Variants in INSL6 observed in about 807,000 individuals in gnomAD.
INSL6 encodes the protein insulin like 6, also known as insulin-like peptide INSL6.
In INSL6, 16 loss-of-function variants were observed where a neutral mutation model predicts 9.4. That is an observed-to-expected ratio of 1.70 (90% CI 1.15 to 2.59). The LOEUF is 2.59. Among genes scored for constraint, INSL6 ranks in the 30% most tolerant of loss-of-function variants. The probability of loss-of-function intolerance (pLI) is 0.00; values close to 1 mark genes in which losing one functional copy is unlikely to be tolerated. For missense variants in INSL6, 391 were observed against 257.3 expected (o/e 1.52, Z -3.56); for synonymous variants, 154 against 96.9 (o/e 1.59, Z -3.46).
chr9:5,112,725 C>T, the INSL6 span: 1 of 761,862 alleles, frequency 1.3e-6, no homozygotes, highest in Non-Finnish European at 2.0e-6. Flanking sequence ...AACCTGAATC[C>T]CAAAACAGCC....
At chr9:5,028,621 C>G in the INSL6 span, among the ~76,000 whole-genome samples, 1 of 152,234 alleles carries the variant, frequency 6.6e-6, no homozygotes, top group Non-Finnish European at 1.5e-5. Flanking sequence ...TTTGTCTACA[C>G]TGAAAATCTA....
the INSL6 span, chr9:5,041,226 C>G: frequency 4.1e-6 from 6 of 1,468,584 alleles, no homozygotes; most frequent in Admixed American, 1.7e-5. Flanking sequence ...GTGGGGCGCC[C>G]GGGGACCAAG....
At chr9:5,078,282 T>C in the INSL6 span, 1 of 1,600,996 alleles carries the variant, frequency 6.2e-7, no homozygotes, top group Non-Finnish European at 8.5e-7. Flanking sequence ...GATATTTGAA[T>C]ATATGTGCGT....
chr9:5,074,915 A>C, the INSL6 span, among the ~76,000 whole-genome samples: 13,105 of 152,262 alleles, frequency 0.086, 1,739 homozygotes, highest in African/African-American at 0.29. Context: ...TTATGAATCC[A>C]AAGGAAAAGT....
the INSL6 span, among the ~76,000 whole-genome samples, chr9:5,057,562 C>T: frequency 6.7e-6 from 1 of 148,790 alleles, no homozygotes; most frequent in South Asian, 2.1e-4. Flanking sequence ...CCAATCCTTG[C>T]AACCAGCATT....
At chr9:5,155,052 A>G (rs1165329622) in intron 2 of INSL6, among the ~76,000 whole-genome samples, 1 of 151,804 alleles carries the variant, frequency 6.6e-6, no homozygotes, top group Non-Finnish European at 1.5e-5. Flanking sequence ...ACTATTCACA[A>G]TAGCAAAGAC....
At chr9:5,002,951 T>C in the INSL6 span, among the ~76,000 whole-genome samples, 1 of 152,008 alleles carries the variant, frequency 6.6e-6, no homozygotes, top group Non-Finnish European at 1.5e-5. Flanking sequence ...TTTTGCCCCA[T>C]ATGAATAACC....
At chr9:5,011,094 T>C in the INSL6 span, among the ~76,000 whole-genome samples, 11 of 152,250 alleles carry the variant, frequency 7.2e-5, no homozygotes, top group Non-Finnish European at 1.0e-4. Flanking sequence ...GACTTAAGTA[T>C]GGATTTGTAT....
intron 2 of INSL6, among the ~76,000 whole-genome samples, chr9:5,151,300 A>G (rs1466344975): frequency 2.0e-5 from 3 of 152,214 alleles, no homozygotes; most frequent in African/African-American, 7.2e-5. Context: ...TGAAAAAGAC[A>G]CTGCAGGAAA....
chr9:5,044,272 T>C, the INSL6 span: 6 of 634,090 alleles, frequency 9.5e-6, no homozygotes, highest in Non-Finnish European at 1.7e-5. Flanking sequence ...CACATTTATA[T>C]TTAATACTGT....
At chr9:5,039,645 G>T in the INSL6 span, among the ~76,000 whole-genome samples, 1 of 151,900 alleles carries the variant, frequency 6.6e-6, no homozygotes, top group Non-Finnish European at 1.5e-5. Context: ...GTCAGTTGCA[G>T]AATAGAAGAT....
At chr9:5,050,864 T>C in the INSL6 span, 1,264 of 1,553,032 alleles carry the variant, frequency 8.1e-4, 11 homozygotes, top group African/African-American at 0.015. Context: ...TACACATAAG[T>C]GTGAGTAGAG....
At chr9:5,018,627 CTG>C in the INSL6 span, among the ~76,000 whole-genome samples, 1 of 152,238 alleles carries the variant, frequency 6.6e-6, no homozygotes. Context: ...GCTTGAGCCA[CTG>C]TGCCTGGCCT....
At chr9:5,011,687 A>G in the INSL6 span, among the ~76,000 whole-genome samples, 34 of 152,238 alleles carry the variant, frequency 2.2e-4, no homozygotes, top group Admixed American at 2.0e-3. Flanking sequence ...TCAGCTGACT[A>G]TTGTACATTG....
At position 5,136,269 on chromosome 9, in the gene INSL6, A is replaced by T. The variant is rs985168663; in HGVS notation, c.377-2677T>A. On this transcript the variant is annotated intron_variant, in intron 2 of 3. Coordinates refer to the INSL6 transcript ENST00000649639. ...GAGGGAATCCTCCCTAACTCATTTT[A>T]TGAGGCCAGCATCATCCTGATACCA... Among the ~76,000 whole-genome samples the T allele has an allele frequency of 3.3e-5, 5 of 152,236 alleles. No homozygotes were observed. In the South Asian group the frequency reaches 1.0e-3, roughly 31 times the overall value.
the INSL6 span, chr9:5,080,324 T>C: frequency 6.2e-7 from 1 of 1,613,932 alleles, no homozygotes; most frequent in Non-Finnish European, 8.5e-7. Flanking sequence ...TGGTACCACT[T>C]TGTGGGAAAT....
chr9:5,001,843 A>G, the INSL6 span, among the ~76,000 whole-genome samples: 1 of 152,010 alleles, frequency 6.6e-6, no homozygotes, highest in African/African-American at 2.4e-5. Flanking sequence ...GAAGAATTCA[A>G]TTTATTGAAG....
the INSL6 span, among the ~76,000 whole-genome samples, chr9:5,048,220 C>T: frequency 2.6e-5 from 4 of 152,006 alleles, no homozygotes; most frequent in Non-Finnish European, 4.4e-5. Flanking sequence ...CGGCTCACTG[C>T]AACCTCTGCC....
chr9:5,032,693 T>G, the INSL6 span, among the ~76,000 whole-genome samples: 4 of 152,074 alleles, frequency 2.6e-5, no homozygotes. Flanking sequence ...GTCCTGACTG[T>G]CAGAAGGAAA....
Sources: allele counts gnomAD v4.1 joint callset (sites outside exome capture counted in the v4.1 genomes callset), GRCh38; gene constraint gnomAD v4.1.1; transcripts MANE v1.5; gene names NCBI Gene and HGNC (gene_info 2026-07-23, HGNC 2026-07-21).